SUCO: variants seen among roughly 807,000 people sequenced by gnomAD.
SUCO encodes SUN domain containing ossification factor.
SUCO carries 57 observed loss-of-function variants against 148.1 expected under a neutral mutation model. The observed-to-expected ratio is 0.38, with a 90% CI of 0.31 to 0.48. The LOEUF is 0.48. SUCO is among the 20% of genes least tolerant of loss of function. The probability of loss-of-function intolerance (pLI) is 0.96; values close to 1 mark genes in which losing one functional copy is unlikely to be tolerated. For missense variants in SUCO, 1,331 were observed against 1,468.2 expected (o/e 0.91, Z 1.53); for synonymous variants, 470 against 502.7 (o/e 0.93, Z 0.87).
chr1:172,556,057 A>C (rs1558180104), intron 4 of SUCO, 34 bp downstream of exon 4: 8 of 1,551,372 alleles, frequency 5.2e-6, no homozygotes, highest in Non-Finnish European at 7.1e-6. Flanking sequence ...ACAAAAAAGA[A>C]TCTCCTTAGT....
At position 172,589,840 on chromosome 1, in the gene SUCO, A is replaced by G. The variant is rs1383816848; in HGVS notation, c.2739A>G (p.Ser913=). The G allele has an allele frequency of 6.2e-7, 1 of 1,604,458 alleles. No individual in the cohort carries two copies. The highest frequency in any genetic ancestry group is 1.3e-5 in the African/African-American group (1 of 74,122). Residue 913 remains serine (S), a synonymous_variant, in exon 18 of 24, where the codon TCA becomes TCG. Coordinates refer to ENST00000263688, the MANE Select transcript of SUCO (RefSeq NM_014283.5). ...NLVHGSNQKE[S]VFMRLNNRIK... ...TACATGGATCAAACCAAAAGGAGTC[A>G]GTATTTATGAGACTTAATAATCGTA...
rs1274276545 is a variant in SUCO, at chr1:172,611,513, T to C, written c.*1254T>C. On this transcript the variant is annotated 3_prime_UTR_variant, in exon 24 of 24. Coordinates refer to ENST00000263688, the MANE Select transcript of SUCO (RefSeq NM_014283.5). The stretch of plus-strand genomic sequence containing the variant: ...TAGTAGTGATAACTGTTTTTAAACT[T>C]GCCTAATACCTTTCTTGGGTATTGT... 6.6e-6 allele frequency: 1 copy of C among 152,662 alleles called. No individual in the cohort carries two copies. The highest frequency in any genetic ancestry group is 2.4e-5 in the African/African-American group (1 of 41,460). 9.5% of individuals were successfully genotyped at this position (152,662 alleles called of 1,614,324 possible). A position where few individuals can be genotyped will look rare whatever the true frequency, so the allele number is the denominator to read the frequency against.
At chr1:172,557,223 G>A (rs2149233672) in intron 4 of SUCO, 57 bp from the exon 5 acceptor site, 1 of 1,570,196 alleles carries the variant, frequency 6.4e-7, no homozygotes, top group Non-Finnish European at 8.7e-7. Flanking sequence ...TGTTTTTAAT[G>A]TATATTACCT....
chr1:172,610,435 T>A lies in SUCO; in HGVS notation c.*176T>A. The A allele has an allele frequency of 1.1e-6, 1 of 949,740 alleles. No homozygotes were observed. Among genetic ancestry groups the A allele is most frequent in the Non-Finnish European group, 1.5e-6 (1 of 683,520 alleles). The allele number at this position is 949,740 out of a possible 1,614,324, so 58.8% of individuals were successfully genotyped here. On this transcript the variant is annotated 3_prime_UTR_variant, in exon 24 of 24. Transcript: ENST00000263688. The stretch of plus-strand genomic sequence containing the variant: ...ATTGTGTCAATCTTGGTTAATGAGC[T>A]ACAGTTTTACAAAGCTGATCACTTC...
chr1:172,533,583 C>T (rs1009939070), intron 1 of SUCO, 86 bp downstream of exon 1: 1 of 1,428,956 alleles, frequency 7.0e-7, no homozygotes, highest in Admixed American at 2.9e-5. Context: ...GTCATTTTGG[C>T]TTTTAGGGTC....
chr1:172,532,589 T>G, upstream of SUCO: 1 of 1,613,952 alleles, frequency 6.2e-7, no homozygotes, highest in East Asian at 2.2e-5. Flanking sequence ...ACACACGTCA[T>G]TCTAGGCCAT....
At chr1:172,586,092 T>G (rs1195052102) in intron 17 of SUCO, 144 bp downstream of exon 17, 3 of 509,878 alleles carry the variant, frequency 5.9e-6, no homozygotes, top group Non-Finnish European at 1.0e-5. Context: ...CTGTGGCCAC[T>G]TAGAAAATCT....
Position 172,588,975 on chromosome 1 carries a change from G to T in SUCO, c.1874G>T (p.Cys625Phe). 6.2e-7 allele frequency: 1 copy of T among 1,610,164 alleles called. No individual in the cohort carries two copies. Among genetic ancestry groups the T allele is most frequent in the Non-Finnish European group, 8.5e-7 (1 of 1,178,138 alleles). ...IFCSELTTICCISSFSEYIYK... is the reference protein window; with the variant it reads ...IFCSELTTICFISSFSEYIYK... ...TGCAGTGAACTGACCACAATTTGTT[G>T]TATTTCTAGTTTTTCAGAATACATA... The change falls in exon 18 of 24, where the codon TGT (cysteine) becomes TTT (phenylalanine). Residue 625 changes from cysteine to phenylalanine, a missense_variant. Transcript: ENST00000263688.
Position 172,553,958 on chromosome 1 carries a change from G to C in SUCO, c.288+588G>C, listed in dbSNP as rs1001551612. 2.0e-5 allele frequency among the ~76,000 whole-genome samples: 3 copies of C among 152,126 alleles called. No homozygotes were observed. In the East Asian group the frequency reaches 5.8e-4, roughly 29 times the overall value. Reference sequence around the variant, plus strand: ...TATCAGTAATGGCTGAAGGTACTGGGGATATTTTATCTGTAGGCAGAAGGA... The same window carrying C: ...TATCAGTAATGGCTGAAGGTACTGGCGATATTTTATCTGTAGGCAGAAGGA... On this transcript the variant is annotated intron_variant, in intron 3 of 23. Transcript: ENST00000263688.
At chr1:172,572,029 G>T (rs1269104785) in intron 9 of SUCO, among the ~76,000 whole-genome samples, 1 of 79,922 alleles carries the variant, frequency 1.3e-5, no homozygotes, top group East Asian at 3.5e-4. Flanking sequence ...GGAGGGAGGT[G>T]GGGGGGTCAG....
intron 19 of SUCO, among the ~76,000 whole-genome samples, chr1:172,595,768 T>C (rs537726530): frequency 4.8e-4 from 73 of 152,344 alleles, no homozygotes; most frequent in Admixed American, 4.4e-3. Flanking sequence ...GAGTTGCTCT[T>C]CTCGAGGAGT....
At chr1:172,535,538 G>A (rs1261504961) in intron 1 of SUCO, among the ~76,000 whole-genome samples, 1 of 152,088 alleles carries the variant, frequency 6.6e-6, no homozygotes, top group Non-Finnish European at 1.5e-5. Context: ...GCACTTAATG[G>A]ATTTCTAACT....
rs1351438666 is a variant in SUCO, at chr1:172,600,166, G to A, written c.3016G>A (p.Glu1006Lys). 6.2e-7 allele frequency: 1 copy of A among 1,605,998 alleles called. No individual in the cohort carries two copies. ...LSATVAELKR[E>K]VSDRQSYLVI... ...AGCAACAGTAGCAGAATTGAAACGG[G>A]AGGTAATTGTTATTGCTGGTATTGC... is the stretch of plus-strand genomic sequence containing the variant. The change falls in exon 20 of 24, where the codon GAG becomes AAG. Residue 1006 changes from glutamate to lysine, a missense_variant and splice_region_variant. This residue lies in a region of SUCO where 334 missense variants were observed against 352.3 expected (regional missense o/e 0.95). Transcript: ENST00000263688.
chr1:172,579,525 T>C (rs1655717230), intron 15 of SUCO, among the ~76,000 whole-genome samples: 1 of 152,096 alleles, frequency 6.6e-6, no homozygotes, highest in African/African-American at 2.4e-5. Context: ...GACAGATTCC[T>C]TATAGTGAAG....
chr1:172,559,707 G>A (rs1286480380), intron 6 of SUCO, among the ~76,000 whole-genome samples: 1 of 152,176 alleles, frequency 6.6e-6, no homozygotes, highest in Non-Finnish European at 1.5e-5. Flanking sequence ...TAGGGAAAAG[G>A]TGGTAACTTC....
At chr1:172,558,401 C>T (rs969370912) in intron 6 of SUCO, among the ~76,000 whole-genome samples, 1 of 152,138 alleles carries the variant, frequency 6.6e-6, no homozygotes, top group Non-Finnish European at 1.5e-5. Context: ...TTAAACTTCC[C>T]TCAGGTAAGC....
chr1:172,539,946 A>G (rs750078112), intron 1 of SUCO, among the ~76,000 whole-genome samples: 1 of 152,204 alleles, frequency 6.6e-6, no homozygotes, highest in African/African-American at 2.4e-5. Flanking sequence ...TGAAAGGCAT[A>G]AAACTATGTC....
intron 6 of SUCO, among the ~76,000 whole-genome samples, chr1:172,563,769 T>C (rs1035864595): frequency 1.3e-5 from 2 of 152,178 alleles, no homozygotes; most frequent in African/African-American, 4.8e-5. Flanking sequence ...GAGCCAAATG[T>C]TAATAGCCAA....
chr1:172,552,710 C>A (rs1653392797), intron 2 of SUCO: 1 of 842,090 alleles, frequency 1.2e-6, no homozygotes, highest in Non-Finnish European at 1.4e-6. Flanking sequence ...TGATTTAATC[C>A]CCCTTTTGAT....
Sources: allele counts gnomAD v4.1 joint callset (sites outside exome capture counted in the v4.1 genomes callset), GRCh38; gene constraint gnomAD v4.1.1; regional missense constraint gnomAD v4.1.1; transcripts MANE v1.5; gene names NCBI Gene and HGNC (gene_info 2026-07-23, HGNC 2026-07-21).